CCDC102B: variants seen among roughly 807,000 people sequenced by gnomAD.
CCDC102B encodes coiled-coil domain containing 102B, also known as coiled-coil domain-containing protein 102B.
CCDC102B carries 75 observed loss-of-function variants against 57.4 expected under a neutral mutation model. The observed-to-expected ratio is 1.31, with a 90% CI of 1.08 to 1.58. The LOEUF (loss-of-function observed/expected upper bound fraction) is 1.58, where lower values mean the gene tolerates loss of function less well. Among genes scored for constraint, CCDC102B ranks in the 40% most tolerant of loss-of-function variants. The probability of loss-of-function intolerance (pLI) is 0.00; values close to 1 mark genes in which losing one functional copy is unlikely to be tolerated. For missense variants in CCDC102B, 636 were observed against 582.6 expected, an observed-to-expected ratio of 1.09 and a Z score of -0.94; for synonymous variants, 206 against 201.9, an observed-to-expected ratio of 1.02 and a Z score of -0.17.
intron 7 of CCDC102B, among the ~76,000 whole-genome samples, chr18:69,040,155 C>G (rs975766895): frequency 2.0e-5 from 3 of 151,862 alleles, no homozygotes; most frequent in African/African-American, 7.3e-5. Flanking sequence ...GTTTATTTTT[C>G]AACTGCAGAT....
chr18:68,786,738 G>A (rs2035227872), intron 2 of CCDC102B, among the ~76,000 whole-genome samples: 1 of 146,952 alleles, frequency 6.8e-6, no homozygotes, highest in Non-Finnish European at 1.5e-5. Flanking sequence ...CTGAGACAAT[G>A]GGGTTTTCTA....
intron 5 of CCDC102B, among the ~76,000 whole-genome samples, chr18:68,892,316 G>A (rs2040108470): frequency 6.6e-6 from 1 of 152,018 alleles, no homozygotes; most frequent in African/African-American, 2.4e-5. Context: ...TTGTGTTCTG[G>A]CTCTCCAGGT....
chr18:68,907,309 G>C (rs974721907), intron 6 of CCDC102B, among the ~76,000 whole-genome samples: 4 of 151,486 alleles, frequency 2.6e-5, no homozygotes, highest in South Asian at 2.1e-4. Flanking sequence ...ATATGAATTT[G>C]AGAATCAGCT....
chr18:68,990,480 T>C (rs914903101), intron 6 of CCDC102B, among the ~76,000 whole-genome samples: 1 of 152,226 alleles, frequency 6.6e-6, no homozygotes, highest in African/African-American at 2.4e-5. Flanking sequence ...TAGGTAAAGC[T>C]GGACAGAATG....
At chr18:68,751,037 C>G (rs1488980287) in intron 2 of CCDC102B, among the ~76,000 whole-genome samples, 1 of 151,502 alleles carries the variant, frequency 6.6e-6, no homozygotes, top group Non-Finnish European at 1.5e-5. Context: ...AAATAATGAC[C>G]TAGAAATTAG....
chr18:68,852,305 T>C (rs963521736), intron 4 of CCDC102B, among the ~76,000 whole-genome samples: 2 of 152,216 alleles, frequency 1.3e-5, no homozygotes, highest in African/African-American at 4.8e-5. Flanking sequence ...TGTGTGCTTC[T>C]AGTTTGTAAT....
intron 7 of CCDC102B, among the ~76,000 whole-genome samples, chr18:69,044,858 A>T (rs1456172422): frequency 6.6e-6 from 1 of 152,190 alleles, no homozygotes; most frequent in African/African-American, 2.4e-5. Context: ...AATACCACAA[A>T]TTGAGTAGCT....
chr18:68,998,973 T>C (rs1344011473), intron 6 of CCDC102B, among the ~76,000 whole-genome samples: 1,208 of 73,306 alleles, frequency 0.016, 9 homozygotes, highest in Non-Finnish European at 0.019. Flanking sequence ...TCATCATATA[T>C]ATATATATAT....
chr18:68,830,023 C>T (rs2037080559), intron 1 of CCDC102B, among the ~76,000 whole-genome samples: 1 of 151,926 alleles, frequency 6.6e-6, no homozygotes, highest in Non-Finnish European at 1.5e-5. Flanking sequence ...GGAATTATTT[C>T]ATAGAGTGAT....
At chr18:69,051,040 A>T (rs2145497994) in intron 7 of CCDC102B, among the ~76,000 whole-genome samples, 1 of 152,100 alleles carries the variant, frequency 6.6e-6, no homozygotes, top group East Asian at 2.0e-4. Flanking sequence ...ACGTGCCACC[A>T]GGCCTGGCTA....
chr18:68,939,026 C>A lies in CCDC102B; in HGVS notation c.1263+41598C>A, dbSNP rs183876415. Among the ~76,000 whole-genome samples the A allele has an allele frequency of 7.9e-5, 12 of 151,764 alleles. No individual in the cohort carries two copies. The East Asian group carries it at 2.3e-3, about 29-fold the overall frequency. ...TATTTTAAAAACAATAGAATCAGAA[C>A]TATTTGGTTTCTCTTGCAACTAAAC... On this transcript the variant is annotated intron_variant, in intron 6 of 7. Coordinates refer to ENST00000360242, the MANE Select transcript of CCDC102B (RefSeq NM_024781.3).
At chr18:68,850,616 G>A (rs2038080006) in intron 4 of CCDC102B, among the ~76,000 whole-genome samples, 2 of 152,052 alleles carry the variant, frequency 1.3e-5, no homozygotes, top group South Asian at 4.2e-4. Flanking sequence ...CACAGGGATG[G>A]ATGTTTTGAG....
intron 2 of CCDC102B, among the ~76,000 whole-genome samples, chr18:68,765,377 G>T (rs1349807022): frequency 9.3e-6 from 1 of 107,922 alleles, no homozygotes; most frequent in East Asian, 2.4e-4. Flanking sequence ...AAGAAAGAAA[G>T]AAAAGAAAGA....
intron 6 of CCDC102B, among the ~76,000 whole-genome samples, chr18:68,997,730 C>T (rs1471028846): frequency 6.6e-6 from 1 of 151,812 alleles, no homozygotes; most frequent in Admixed American, 6.6e-5. Context: ...ATTTCTAGAA[C>T]TTTATGTAGC....
chr18:69,052,535 T>C (rs907105084), intron 7 of CCDC102B, among the ~76,000 whole-genome samples: 1 of 151,922 alleles, frequency 6.6e-6, no homozygotes, highest in African/African-American at 2.4e-5. Context: ...TGTGCACGTG[T>C]GTATCAACAA....
intron 6 of CCDC102B, among the ~76,000 whole-genome samples, chr18:69,006,248 A>G (rs2051337841): frequency 6.6e-6 from 1 of 152,164 alleles, no homozygotes; most frequent in African/African-American, 2.4e-5. Flanking sequence ...TATTCATTGG[A>G]TTATAGTGTA....
chr18:68,878,366 G>T (rs566775796), intron 5 of CCDC102B, among the ~76,000 whole-genome samples: 1 of 152,258 alleles, frequency 6.6e-6, no homozygotes, highest in East Asian at 1.9e-4. Flanking sequence ...CCAAAGTGCT[G>T]GGATTACAGG....
At chr18:68,790,497 G>A (rs546870299) in intron 2 of CCDC102B, among the ~76,000 whole-genome samples, 5 of 152,200 alleles carry the variant, frequency 3.3e-5, no homozygotes, top group South Asian at 4.2e-4. Context: ...GAGGGCGTAG[G>A]ACCCTCCGAG....
chr18:68,911,631 A>G (rs913128816), intron 6 of CCDC102B, among the ~76,000 whole-genome samples: 15 of 149,536 alleles, frequency 1.0e-4, no homozygotes, highest in South Asian at 2.1e-4. Flanking sequence ...GGGCGCCTGT[A>G]GTCCCAGCTA....
Sources: gnomAD v4.1 joint callset for allele counts (sites outside exome capture counted in the v4.1 genomes callset) on GRCh38, gnomAD v4.1.1 for gene constraint, MANE v1.5 for transcripts, NCBI Gene and HGNC (gene_info 2026-07-23, HGNC 2026-07-21) for gene names.